MYO10: variants seen among roughly 807,000 people sequenced by gnomAD.
MYO10 encodes myosin X, also known as unconventional myosin-X.
MYO10 carries 133 observed loss-of-function variants against 257.3 expected under a neutral mutation model. That is an observed-to-expected ratio of 0.52 (90% CI 0.45 to 0.60). MYO10 has a LOEUF of 0.60. Among genes scored for constraint, MYO10 ranks in the 20% least tolerant of loss-of-function variants. The pLI is 0.00. For missense variants in MYO10, 2,399 were observed against 2,635.7 expected (o/e 0.91, Z 1.97); for synonymous variants, 1,104 against 1,028.6 (o/e 1.07, Z -1.40).
chr5:16,783,543 C>G, intron 4 of MYO10, 74 bp from the exon 5 acceptor site: 1 of 1,434,446 alleles, frequency 7.0e-7, no homozygotes, highest in Non-Finnish European at 9.5e-7. Context: ...GTCAATGGCA[C>G]TATAATTACT....
At chr5:16,927,297 G>C (rs1279119524) in intron 1 of MYO10, among the ~76,000 whole-genome samples, 1 of 151,942 alleles carries the variant, frequency 6.6e-6, no homozygotes, top group Non-Finnish European at 1.5e-5. Context: ...TGTGTCTTCT[G>C]CTTATGGTAT....
intron 17 of MYO10, 106 bp from the exon 18 acceptor site, chr5:16,758,332 A>G: frequency 1.2e-6 from 1 of 803,234 alleles, no homozygotes; most frequent in Non-Finnish European, 2.1e-6. Flanking sequence ...TCAAAGTAAT[A>G]CACCCTAGGC....
rs762298664 is a variant in MYO10, at chr5:16,701,353, G to T, written c.3042C>A (p.Gly1014=). 1 of 1,613,976 alleles carries T rather than the reference G, an allele frequency of 6.2e-7. No homozygotes were observed. Among genetic ancestry groups the T allele is most frequent in the Non-Finnish European group, 8.5e-7 (1 of 1,179,872 alleles). ...TGCCACTTGTTCGCTGGTCTGAGTG[G>T]CCGTGCTCGCTGGGGTTGGGGGAGT... ...FKDSPNPSEH[G]HSDQRTSGIR... is the part of the protein sequence containing the mutation. The change falls in exon 25 of 41, where the codon GGC becomes GGA. Residue 1014 remains glycine (G), a synonymous_variant. Coordinates refer to ENST00000513610, the MANE Select transcript of MYO10 (RefSeq NM_012334.3). The surrounding 1 kb of genome is among the most constrained non-coding windows in gnomAD (Gnocchi z 8.1).
intron 11 of MYO10, among the ~76,000 whole-genome samples, chr5:16,765,212 A>C (rs1740828848): frequency 6.6e-6 from 1 of 152,190 alleles, no homozygotes; most frequent in African/African-American, 2.4e-5. Flanking sequence ...CATCTGAGTC[A>C]GTGGGCTAGG....
intron 9 of MYO10, among the ~76,000 whole-genome samples, chr5:16,772,372 A>C (rs556488422): frequency 6.6e-6 from 1 of 152,316 alleles, no homozygotes; most frequent in African/African-American, 2.4e-5. Context: ...ACCTCAGGTG[A>C]TCCACCCGCC....
At chr5:16,710,696 T>G in intron 21 of MYO10, 1 of 580,668 alleles carries the variant, frequency 1.7e-6, no homozygotes, top group Non-Finnish European at 3.1e-6. Context: ...TGTTCTCTAA[T>G]GAAACAGAGT....
chr5:16,734,137 G>A (rs1290329518), intron 19 of MYO10, among the ~76,000 whole-genome samples: 2 of 151,404 alleles, frequency 1.3e-5, no homozygotes, highest in Non-Finnish European at 2.9e-5. Flanking sequence ...AGAAAACAAA[G>A]GAGTATATGC....
At chr5:16,698,641 T>TTTTTTTTTA (rs1737879764) in intron 26 of MYO10, among the ~76,000 whole-genome samples, 7 of 146,258 alleles carry the variant, frequency 4.8e-5, no homozygotes, top group African/African-American at 1.6e-4. Context: ...TTTTTTTTTT[T>TTTTTTTTTA]GAGACAGCGT....
At chr5:16,716,394 G>A (rs553739432) in intron 19 of MYO10, among the ~76,000 whole-genome samples, 1 of 151,932 alleles carries the variant, frequency 6.6e-6, no homozygotes, top group South Asian at 2.1e-4. Context: ...ACCAAGAGCA[G>A]GGAGGGTGCT....
intron 1 of MYO10, among the ~76,000 whole-genome samples, chr5:16,923,172 G>A (rs1054052456): frequency 6.6e-6 from 1 of 152,154 alleles, no homozygotes; most frequent in Non-Finnish European, 1.5e-5. Context: ...GTCACATCAT[G>A]AGAAGAACAA....
chr5:16,852,523 C>T (rs913450593), intron 2 of MYO10, among the ~76,000 whole-genome samples: 1 of 151,720 alleles, frequency 6.6e-6, no homozygotes, highest in Non-Finnish European at 1.5e-5. Context: ...AATTTCTTAA[C>T]GGTTTTGTGA....
At chr5:16,899,360 C>A (rs900338860) in intron 1 of MYO10, among the ~76,000 whole-genome samples, 1 of 152,058 alleles carries the variant, frequency 6.6e-6, no homozygotes, top group South Asian at 2.1e-4. Flanking sequence ...TGTGGCTGGG[C>A]GCGATGACTC....
At chr5:16,924,914 T>A (rs1746089595) in intron 1 of MYO10, among the ~76,000 whole-genome samples, 2 of 147,692 alleles carry the variant, frequency 1.4e-5, no homozygotes, top group African/African-American at 5.0e-5. Flanking sequence ...CACTGCAAGC[T>A]CCGCCTCCCA....
intron 2 of MYO10, among the ~76,000 whole-genome samples, chr5:16,853,101 C>T (rs528409373): frequency 7.2e-5 from 11 of 152,154 alleles, no homozygotes; most frequent in South Asian, 4.1e-4. Flanking sequence ...CCGGGCGCGG[C>T]GGCTCACGCC....
intron 35 of MYO10, among the ~76,000 whole-genome samples, chr5:16,674,307 A>G (rs1286992381): frequency 2.0e-5 from 3 of 152,068 alleles, no homozygotes; most frequent in African/African-American, 7.2e-5. Flanking sequence ...ATCTCTACTA[A>G]AAGTACAAAA....
At chr5:16,672,191 A>G (rs183529172) in intron 37 of MYO10, among the ~76,000 whole-genome samples, 11 of 151,338 alleles carry the variant, frequency 7.3e-5, no homozygotes, top group Admixed American at 6.6e-4. Flanking sequence ...GCTACTCGGG[A>G]GTCTGAGGCA....
At chr5:16,674,774 C>T in intron 35 of MYO10, 79 bp downstream of exon 35, 1 of 1,522,858 alleles carries the variant, frequency 6.6e-7, no homozygotes, top group Non-Finnish European at 9.0e-7. Context: ...TCAAAAGCCT[C>T]TTTATCTGAA....
At chr5:16,901,778 G>A (rs1398660353) in intron 1 of MYO10, among the ~76,000 whole-genome samples, 2 of 152,162 alleles carry the variant, frequency 1.3e-5, no homozygotes, top group Admixed American at 6.5e-5. Context: ...CCCCAGTGCA[G>A]AGCGGCCTGT....
At chr5:16,752,830 C>T (rs1740418056) in intron 19 of MYO10, among the ~76,000 whole-genome samples, 1 of 152,154 alleles carries the variant, frequency 6.6e-6, no homozygotes, top group South Asian at 2.1e-4. Context: ...GAGAGATGTT[C>T]CAACTATTAA....
Sources: gnomAD v4.1 joint callset for allele counts (sites outside exome capture counted in the v4.1 genomes callset) on GRCh38, gnomAD v4.1.1 for gene constraint, Gnocchi (gnomAD v3.1) non-coding constraint, MANE v1.5 for transcripts, NCBI Gene and HGNC (gene_info 2026-07-23, HGNC 2026-07-21) for gene names.